The following AGAP1 variants were observed in gnomAD, a reference collection of about 807,000 sequenced individuals.
AGAP1 encodes the protein arf-GAP with GTPase, ANK repeat and PH domain-containing protein 1.
A neutral mutation model predicts 105.3 loss-of-function variants in AGAP1; 29 were observed. That is an observed-to-expected ratio of 0.28 (90% CI 0.21 to 0.38). The LOEUF (loss-of-function observed/expected upper bound fraction) is 0.38. Among genes scored for constraint, AGAP1 ranks in the 10% least tolerant of loss-of-function variants. The pLI is 1.00. For synonymous variants in AGAP1, 509 were observed against 485.9 expected, an observed-to-expected ratio of 1.05 and a Z score of -0.63; for missense variants, 998 against 1,165.1, an observed-to-expected ratio of 0.86 and a Z score of 2.09.
intron 6 of AGAP1, among the ~76,000 whole-genome samples, chr2:235,797,420 T>G (rs1486171855): frequency 6.6e-6 from 1 of 152,076 alleles, no homozygotes; most frequent in African/African-American, 2.4e-5. Flanking sequence ...CGTTTGTGCA[T>G]TTCAGGCAAC....
chr2:235,680,249 T>G (rs1948990614), intron 1 of AGAP1, among the ~76,000 whole-genome samples: 1 of 152,194 alleles, frequency 6.6e-6, no homozygotes, highest in African/African-American at 2.4e-5. Context: ...TCCGTGGAAA[T>G]GAGCTAAAAT....
Position 236,020,964 on chromosome 2 carries a change from G to A in AGAP1, c.1646-15597G>A, listed in dbSNP as rs538144823. On this transcript the variant is annotated intron_variant, in intron 13 of 17. Coordinates refer to ENST00000304032, the MANE Select transcript of AGAP1 (RefSeq NM_001037131.3). This position sits in a 1 kb window ranked among gnomAD's most constrained non-coding sequence, Gnocchi z 5.0. Reference sequence around the variant, plus strand: ...GTGGATCACTTGAGGTCAGACATTCGAGACCAGCCTGGTCAACGTGGTGAA... The same window carrying A: ...GTGGATCACTTGAGGTCAGACATTCAAGACCAGCCTGGTCAACGTGGTGAA... 8.6e-5 allele frequency among the ~76,000 whole-genome samples: 13 copies of A among 151,996 alleles called. No individual in the cohort carries two copies. Among genetic ancestry groups the A allele is most frequent in the East Asian group, 5.8e-4 (3 of 5,146 alleles).
At chr2:235,761,899 C>T (rs1004710026) in intron 6 of AGAP1, among the ~76,000 whole-genome samples, 2 of 151,920 alleles carry the variant, frequency 1.3e-5, no homozygotes, top group East Asian at 1.9e-4. Context: ...CACCTGAGGT[C>T]GGGAGTTCAA....
rs2054458345 is a variant in AGAP1, at chr2:235,967,544, TCA to T, written c.1484-915_1484-914del. On this transcript the variant is annotated intron_variant, in intron 12 of 17. Transcript: ENST00000304032. The surrounding 1 kb of genome is among the most constrained non-coding windows in gnomAD (Gnocchi z 4.7). ...CCAAGCATCTTGAAAAGCCGCTGGC[TCA>T]CAGTCAGTGCTCAAAAAATACCAGC... 1.3e-5 allele frequency among the ~76,000 whole-genome samples: 2 copies of T among 152,216 alleles called. No homozygotes were observed. The highest frequency in any genetic ancestry group is 2.9e-5 in the Non-Finnish European group (2 of 68,044).
Position 236,125,282 on chromosome 2 carries a change from CCT to C in AGAP1, c.*1165_*1166del, listed in dbSNP as rs1293730178. ...TTGATTTTTGTACAGACAAATGGCA[CCT>C]CTCTTAATTTATAAATTGAACTGGA... On this transcript the variant is annotated 3_prime_UTR_variant, in exon 18 of 18. Transcript: ENST00000304032. The surrounding 1 kb of genome is among the most constrained non-coding windows in gnomAD (Gnocchi z 5.2). 1.4e-4 allele frequency: 22 copies of C among 152,654 alleles called. No individual in the cohort carries two copies. The highest frequency in any genetic ancestry group is 3.1e-4 in the Non-Finnish European group (21 of 68,016). 9.5% of individuals were successfully genotyped at this position (152,654 alleles called of 1,614,324 possible).
chr2:235,629,547 G>A (rs935935728), intron 1 of AGAP1, among the ~76,000 whole-genome samples: 1 of 151,868 alleles, frequency 6.6e-6, no homozygotes, highest in Non-Finnish European at 1.5e-5. Context: ...TCCAGCATGG[G>A]GACTTCATGA....
chr2:235,606,905 C>T (rs905303460), intron 1 of AGAP1, among the ~76,000 whole-genome samples: 1 of 136,750 alleles, frequency 7.3e-6, no homozygotes, highest in African/African-American at 2.8e-5. Flanking sequence ...CACGCCACTG[C>T]ACTCCAGCCT....
intron 16 of AGAP1, among the ~76,000 whole-genome samples, chr2:236,107,434 T>C (rs1212387665): frequency 1.3e-5 from 2 of 152,176 alleles, no homozygotes; most frequent in African/African-American, 2.4e-5. Context: ...TTGCGCGCTT[T>C]CATGATTCCT....
At chr2:235,949,889 C>T (rs994207675) in intron 12 of AGAP1, among the ~76,000 whole-genome samples, 2 of 152,182 alleles carry the variant, frequency 1.3e-5, no homozygotes, top group African/African-American at 4.8e-5. Flanking sequence ...AATAGACTCC[C>T]TCGCCTAGGC....
chr2:236,034,644 C>G (rs2057324612), intron 13 of AGAP1, among the ~76,000 whole-genome samples: 3 of 152,186 alleles, frequency 2.0e-5, no homozygotes, highest in Admixed American at 2.0e-4. Context: ...TCCAAAGACT[C>G]TTCTCTCCCC....
Position 235,930,863 on chromosome 2 carries a change from G to C in AGAP1, c.1423G>C (p.Val475Leu), listed in dbSNP as rs776318919. 6.2e-7 allele frequency: 1 copy of C among 1,614,132 alleles called. No homozygotes were observed. The highest frequency in any genetic ancestry group is 8.5e-7 in the Non-Finnish European group (1 of 1,180,018). Residue 475 changes from valine (V) to leucine (L), a missense_variant, in exon 12 of 18, where the codon GTC becomes CTC. Physicochemically the swap from Val to Leu is conservative, Grantham distance 32. This residue lies in a region of AGAP1 where 735 missense variants were observed against 833.4 expected (regional missense o/e 0.88). Transcript: ENST00000304032. The surrounding 1 kb of genome is among the most constrained non-coding windows in gnomAD (Gnocchi z 7.9). Reference sequence around the variant, plus strand: ...CGGCATGCACCAGCGCTCCTACTCAGTCTCCAGTGCCGACCAGTGGAGTGA... The same window carrying C: ...CGGCATGCACCAGCGCTCCTACTCACTCTCCAGTGCCGACCAGTGGAGTGA... The part of the protein sequence containing the change: ...PDGMHQRSYS[V>L]SSADQWSEAT...
intron 1 of AGAP1, among the ~76,000 whole-genome samples, chr2:235,572,347 G>A (rs1944556349): frequency 6.6e-6 from 1 of 151,926 alleles, no homozygotes; most frequent in Non-Finnish European, 1.5e-5. Context: ...CCAGGCATGG[G>A]GTGGCTGAGC....
At chr2:235,526,089 G>C (rs1267347891) in intron 1 of AGAP1, among the ~76,000 whole-genome samples, 1 of 45,886 alleles carries the variant, frequency 2.2e-5, no homozygotes, top group Non-Finnish European at 3.9e-5. Context: ...ATAAAGTAGA[G>C]GACTGATTTA....
At position 235,776,229 on chromosome 2, in the gene AGAP1, A is replaced by G. The variant is rs76200845; in HGVS notation, c.674-21530A>G. ...TGTGGCTTAATGAATGAGAGTGACA[A>G]GGGAGGAGGGTGGGGCTCCAAGGCC... On this transcript the variant is annotated intron_variant, in intron 6 of 17. Transcript: ENST00000304032. 4.7e-3 allele frequency among the ~76,000 whole-genome samples: 717 copies of G among 152,226 alleles called. 1 individual carries two copies. Among genetic ancestry groups the G allele is most frequent in the Non-Finnish European group, 6.9e-3 (472 of 67,994 alleles).
chr2:235,580,707 G>A (rs550925490), intron 1 of AGAP1, among the ~76,000 whole-genome samples: 14 of 152,018 alleles, frequency 9.2e-5, no homozygotes, highest in African/African-American at 3.1e-4. Flanking sequence ...GACTTCTTTG[G>A]CCTCTAATGT....
chr2:235,687,522 T>G (rs1949513576), intron 1 of AGAP1, among the ~76,000 whole-genome samples: 1 of 152,234 alleles, frequency 6.6e-6, no homozygotes, highest in African/African-American at 2.4e-5. Context: ...AGTTTAAAAT[T>G]CATTTTAGGT....
In AGAP1 at chr2:235,901,931, G is replaced by A. The variant is rs553710449; in HGVS notation, c.1156-6807G>A. The stretch of plus-strand genomic sequence containing the variant: ...ACCCCAAAGAGCTTTTGTTCATATG[G>A]ATTTTGTCTATTGATATTCATCATG... On this transcript the variant is annotated intron_variant, in intron 10 of 17. Transcript: ENST00000304032. The surrounding 1 kb of genome is among the most constrained non-coding windows in gnomAD (Gnocchi z 4.3). 1.1e-4 allele frequency among the ~76,000 whole-genome samples: 16 copies of A among 151,676 alleles called. No homozygotes were observed. The highest frequency in any genetic ancestry group is 9.2e-4 in the Admixed American group (14 of 15,238).
chr2:235,597,757 CT>C (rs1314000769), intron 1 of AGAP1, among the ~76,000 whole-genome samples: 1 of 136,952 alleles, frequency 7.3e-6, no homozygotes, highest in Non-Finnish European at 1.6e-5. Context: ...CCCGTGTTTC[CT>C]TTGTGTGGAG....
chr2:235,731,478 C>A (rs529114238), intron 3 of AGAP1, among the ~76,000 whole-genome samples: 135 of 152,310 alleles, frequency 8.9e-4, no homozygotes, highest in Middle Eastern at 3.4e-3. Context: ...TATCCTGGAT[C>A]TTCCAGAAAG....
Sources: allele counts gnomAD v4.1 joint callset (sites outside exome capture counted in the v4.1 genomes callset), GRCh38; gene constraint gnomAD v4.1.1; regional missense constraint gnomAD v4.1.1; non-coding constraint Gnocchi (gnomAD v3.1); transcripts MANE v1.5; gene names NCBI Gene and HGNC (gene_info 2026-07-23, HGNC 2026-07-21).